Variants in RGS7BP observed in about 807,000 individuals in gnomAD.
RGS7BP encodes regulator of G protein signaling 7 binding protein, also known as regulator of G protein signaling 7-binding protein.
A neutral mutation model predicts 31.3 loss-of-function variants in RGS7BP; 9 were observed. That is an observed-to-expected ratio of 0.29 (90% CI 0.17 to 0.50). RGS7BP has a LOEUF of 0.50. RGS7BP is among the 20% of genes least tolerant of loss of function. RGS7BP has a pLI of 0.98. For synonymous variants in RGS7BP, 115 were observed against 120.1 expected (o/e 0.96, Z 0.28); for missense variants, 274 against 322.0 (o/e 0.85, Z 1.14).
chr5:64,605,073 T>C (rs967792260), intron 5 of RGS7BP, among the ~76,000 whole-genome samples: 4 of 152,108 alleles, frequency 2.6e-5, no homozygotes, highest in Non-Finnish European at 5.9e-5. Flanking sequence ...GGTTTGAACT[T>C]ACTGGTGTCC....
intron 2 of RGS7BP, among the ~76,000 whole-genome samples, chr5:64,524,822 G>A (rs150491936): frequency 3.9e-5 from 6 of 152,062 alleles, no homozygotes; most frequent in African/African-American, 4.8e-5. Context: ...CACTGCCCAC[G>A]AGGCCCCTTA....
intron 2 of RGS7BP, among the ~76,000 whole-genome samples, chr5:64,556,454 C>CAG (rs1741929910): frequency 6.7e-6 from 1 of 148,566 alleles, no homozygotes; most frequent in Admixed American, 6.7e-5. Context: ...CACACACACA[C>CAG]ACACACAAAA....
intron 2 of RGS7BP, among the ~76,000 whole-genome samples, chr5:64,541,482 A>G (rs1013777245): frequency 6.6e-6 from 1 of 152,230 alleles, no homozygotes; most frequent in African/African-American, 2.4e-5. Context: ...TACCCTGCAC[A>G]GCAGTTTCTC....
chr5:64,517,854 A>G (rs2111891295), intron 2 of RGS7BP, among the ~76,000 whole-genome samples: 1 of 152,338 alleles, frequency 6.6e-6, no homozygotes, highest in Non-Finnish European at 1.5e-5. Context: ...GAGTATAGGT[A>G]GTGGCACTCA....
intron 3 of RGS7BP, 126 bp from the exon 4 acceptor site, chr5:64,594,584 G>C: frequency 1.3e-6 from 1 of 788,738 alleles, no homozygotes; most frequent in Non-Finnish European, 2.1e-6. Flanking sequence ...TACTCAGAAA[G>C]CTATTAGGGT....
chr5:64,597,779 C>A (rs1038915821), intron 4 of RGS7BP, among the ~76,000 whole-genome samples: 2 of 151,888 alleles, frequency 1.3e-5, no homozygotes, highest in Non-Finnish European at 2.9e-5. Context: ...TGAGAAAATA[C>A]TCAGTGGGTA....
intron 4 of RGS7BP, among the ~76,000 whole-genome samples, chr5:64,595,892 G>T (rs924722885): frequency 1.3e-5 from 2 of 152,126 alleles, no homozygotes; most frequent in African/African-American, 4.8e-5. Flanking sequence ...TGGAGCATGT[G>T]GTAATTATGT....
chr5:64,569,923 T>A (rs1359761655), intron 2 of RGS7BP, among the ~76,000 whole-genome samples: 1 of 152,214 alleles, frequency 6.6e-6, no homozygotes, highest in Non-Finnish European at 1.5e-5. Flanking sequence ...CTTGGCATAA[T>A]AGCCAACAAC....
chr5:64,526,209 A>G (rs1017494483), intron 2 of RGS7BP, among the ~76,000 whole-genome samples: 1 of 152,202 alleles, frequency 6.6e-6, no homozygotes, highest in Non-Finnish European at 1.5e-5. Flanking sequence ...CAGGAGGGGC[A>G]AGGAAAAGGA....
chr5:64,586,984 A>G (rs1450158778), intron 3 of RGS7BP, among the ~76,000 whole-genome samples: 2 of 152,314 alleles, frequency 1.3e-5, no homozygotes, highest in Non-Finnish European at 2.9e-5. Flanking sequence ...AGTGGATTAG[A>G]ACAATAAAAG....
chr5:64,553,171 C>CTTTTTT (rs542252038), intron 2 of RGS7BP, among the ~76,000 whole-genome samples: 42 of 118,200 alleles, frequency 3.6e-4, no homozygotes, highest in East Asian at 7.4e-4. Flanking sequence ...TTCTTTCTTT[C>CTTTTTT]TTTTTTTTTT....
intron 2 of RGS7BP, 190 bp from the exon 3 acceptor site, chr5:64,575,584 G>T: frequency 9.2e-7 from 1 of 1,081,378 alleles, no homozygotes; most frequent in Non-Finnish European, 1.2e-6. Context: ...ATTAAGAACT[G>T]TTAGTCAGAA....
intron 2 of RGS7BP, among the ~76,000 whole-genome samples, chr5:64,512,392 T>C (rs1040713949): frequency 3.9e-5 from 6 of 152,182 alleles, no homozygotes; most frequent in Admixed American, 3.9e-4. Context: ...AGTGGTAGTC[T>C]GGTATCGTGG....
At chr5:64,589,152 C>T (rs904336603) in intron 3 of RGS7BP, among the ~76,000 whole-genome samples, 4 of 151,754 alleles carry the variant, frequency 2.6e-5, no homozygotes, top group Non-Finnish European at 4.4e-5. Flanking sequence ...AAAAAAATTC[C>T]GGGCATGGTG....
At chr5:64,593,891 T>G (rs1472757655) in intron 3 of RGS7BP, among the ~76,000 whole-genome samples, 1 of 152,110 alleles carries the variant, frequency 6.6e-6, no homozygotes, top group Non-Finnish European at 1.5e-5. Context: ...ATGCACAGAT[T>G]TTCAAGAAAG....
At chr5:64,527,557 C>A (rs1369380408) in intron 2 of RGS7BP, among the ~76,000 whole-genome samples, 1 of 124,808 alleles carries the variant, frequency 8.0e-6, no homozygotes, top group African/African-American at 3.0e-5. Context: ...TTCTAAGTTT[C>A]TTTTAGGCAC....
intron 2 of RGS7BP, among the ~76,000 whole-genome samples, chr5:64,567,612 A>G (rs1742202182): frequency 1.3e-5 from 2 of 152,134 alleles, no homozygotes; most frequent in African/African-American, 2.4e-5. Flanking sequence ...TAATTTAAAC[A>G]TAGTCAGCCC....
intron 2 of RGS7BP, among the ~76,000 whole-genome samples, chr5:64,530,866 C>T (rs1276649774): frequency 1.3e-5 from 2 of 151,820 alleles, no homozygotes; most frequent in Non-Finnish European, 2.9e-5. Flanking sequence ...CCATTATAAT[C>T]ACATGGGGAA....
chr5:64,575,675 A>C, intron 2 of RGS7BP, 99 bp from the exon 3 acceptor site: 1 of 1,471,484 alleles, frequency 6.8e-7, no homozygotes, highest in South Asian at 1.5e-5. Context: ...GGCTTTAAGG[A>C]ATCTTTATTG....
Sources: gnomAD v4.1 joint callset for allele counts (sites outside exome capture counted in the v4.1 genomes callset) on GRCh38, gnomAD v4.1.1 for gene constraint, MANE v1.5 for transcripts, NCBI Gene and HGNC (gene_info 2026-07-23, HGNC 2026-07-21) for gene names.